CPT1C: variants seen among roughly 807,000 people sequenced by gnomAD.
The protein encoded by CPT1C is palmitoyl thioesterase CPT1C.
A neutral mutation model predicts 97.3 loss-of-function variants in CPT1C; 61 were observed. That is an observed-to-expected ratio of 0.63 (90% CI 0.51 to 0.78). The LOEUF (loss-of-function observed/expected upper bound fraction) is 0.78, where lower values mean the gene tolerates loss of function less well. Ranked by LOEUF, CPT1C falls within the 30% of genes least tolerant of loss-of-function variation. CPT1C has a pLI of 0.00. For missense variants in CPT1C, 975 were observed against 1,065.5 expected, an observed-to-expected ratio of 0.92 and a Z score of 1.18; for synonymous variants, 469 against 447.2, an observed-to-expected ratio of 1.05 and a Z score of -0.61.
chr19:49,706,030 T>C lies in CPT1C; in HGVS notation c.1086T>C (p.Phe362=). 1 of 1,613,832 alleles carries C rather than the reference T, an allele frequency of 6.2e-7. No individual in the cohort carries two copies. The highest frequency in any genetic ancestry group is 1.7e-4 in the Middle Eastern group (1 of 6,056). The part of the protein sequence containing the change: ...LLSPRALEQQ[F]QRILDDPSPA... ...CCCCGAGAGCCCTGGAGCAGCAGTT[T>C]CAGAGAATCCTGGATGATCCCTCAC... Residue 362 remains phenylalanine, a synonymous_variant, in exon 11 of 20, where the codon TTT becomes TTC. Coordinates refer to ENST00000598293, the MANE Select transcript of CPT1C (RefSeq NM_001199753.2). This position sits in a 1 kb window ranked among gnomAD's most constrained non-coding sequence, Gnocchi z 4.8.
At chr19:49,700,890 T>G (rs2082979854) in intron 5 of CPT1C, 35 bp downstream of exon 5, 2 of 1,588,758 alleles carry the variant, frequency 1.3e-6, no homozygotes, top group Non-Finnish European at 1.7e-6. Flanking sequence ...CAGGCTCTCC[T>G]GGGACCCGCT....
chr19:49,700,290 C>T lies in CPT1C; in HGVS notation c.282-394C>T, dbSNP rs1304675382. ...AAAAAAAAACGCTGATTGCTGGACC[C>T]CACCCTGAGAGATTCTGGCTTGTTA... On this transcript the variant is annotated intron_variant, in intron 4 of 19. Coordinates refer to ENST00000598293, the MANE Select transcript of CPT1C (RefSeq NM_001199753.2). Among the ~76,000 whole-genome samples, 4 of 151,970 alleles carry T rather than the reference C, an allele frequency of 2.6e-5. No homozygotes were observed. The South Asian group carries it at 8.3e-4, about 32-fold the overall frequency.
At chr19:49,696,911 C>T (rs1020022898) in intron 3 of CPT1C, among the ~76,000 whole-genome samples, 5 of 151,440 alleles carry the variant, frequency 3.3e-5, no homozygotes, top group African/African-American at 1.2e-4. Context: ...GGATTACAGG[C>T]GTGAGCCACC....
chr19:49,702,076 T>TATAAATAA (rs1555779176), intron 7 of CPT1C, among the ~76,000 whole-genome samples: 1 of 88,304 alleles, frequency 1.1e-5, no homozygotes, highest in African/African-American at 7.3e-5. Flanking sequence ...ATTTATAAAT[T>TATAAATAA]ATAAATATAT....
At position 49,713,626 on chromosome 19, in the gene CPT1C, G is replaced by T; in HGVS notation, c.*21G>T. 1 of 1,594,604 alleles carries T rather than the reference G, an allele frequency of 6.3e-7. No homozygotes were observed. The highest frequency in any genetic ancestry group is 8.5e-7 in the Non-Finnish European group (1 of 1,170,528). Reference sequence around the variant, plus strand: ...TCTGACTCCTTCCAGCAGGCAGCTGGCCTCTCCAAGGAATAAGGGTGAAAT... The same window carrying T: ...TCTGACTCCTTCCAGCAGGCAGCTGTCCTCTCCAAGGAATAAGGGTGAAAT... On this transcript the variant is annotated 3_prime_UTR_variant, in exon 20 of 20. Coordinates refer to ENST00000598293, the MANE Select transcript of CPT1C (RefSeq NM_001199753.2).
intron 4 of CPT1C, among the ~76,000 whole-genome samples, chr19:49,699,520 C>T (rs1423703050): frequency 6.9e-6 from 1 of 144,446 alleles, no homozygotes; most frequent in Non-Finnish European, 1.5e-5. Flanking sequence ...TACCCCCAGT[C>T]TACAGAGGGA....
chr19:49,703,274 G>A (rs1224569601), intron 7 of CPT1C, among the ~76,000 whole-genome samples: 8 of 147,420 alleles, frequency 5.4e-5, no homozygotes, highest in South Asian at 2.2e-4. Context: ...CACTGGCACC[G>A]TCTCAGCTCA....
chr19:49,706,255 A>T lies in CPT1C; in HGVS notation c.1185A>T (p.Thr395=), dbSNP rs2083493122. 6.5e-7 allele frequency: 1 copy of T among 1,540,204 alleles called. No individual in the cohort carries two copies. Among genetic ancestry groups the T allele is most frequent in the Non-Finnish European group, 8.7e-7 (1 of 1,146,316 alleles). The change falls in exon 12 of 20, where the codon ACA becomes ACT. Residue 395 remains threonine, a synonymous_variant. Transcript: ENST00000598293. The surrounding 1 kb of genome is among the most constrained non-coding windows in gnomAD (Gnocchi z 4.8). ...GGGGCACGTGGGCCCAGGTGCGGAC[A>T]TCCCTGAAGACCCAGGCAGCGGAGG... ...APRGTWAQVR[T]SLKTQAAEAL...
intron 3 of CPT1C, among the ~76,000 whole-genome samples, chr19:49,696,897 G>A (rs1600035258): frequency 1.3e-5 from 2 of 152,098 alleles, no homozygotes; most frequent in South Asian, 4.1e-4. Flanking sequence ...CTCCCAAAGT[G>A]TTGGGATTAC....
At chr19:49,711,522 C>T (rs978287927) in intron 16 of CPT1C, 7 of 450,554 alleles carry the variant, frequency 1.6e-5, no homozygotes, top group Non-Finnish European at 2.8e-5. Context: ...ACCTCTTCTC[C>T]CTTGCCCTAC....
rs574848778 is a variant in CPT1C at position 49,699,385 on chromosome 19, C to T, written c.282-1299C>T. 8.0e-5 allele frequency among the ~76,000 whole-genome samples: 10 copies of T among 125,592 alleles called. No individual in the cohort carries two copies. The South Asian group carries it at 2.0e-3, about 26-fold the overall frequency. 82.4% of individuals were successfully genotyped at this position (125,592 alleles called of 152,430 possible). ...GCTCACACTTGTAATCCCAGCACTT[C>T]GGAGGGCTGAGGCAGGAGGCTTGAG... On this transcript the variant is annotated intron_variant, in intron 4 of 19. Transcript: ENST00000598293.
intron 10 of CPT1C, 97 bp downstream of exon 10, chr19:49,705,395 C>G: frequency 1.9e-6 from 2 of 1,039,808 alleles, no homozygotes; most frequent in Non-Finnish European, 2.8e-6. Flanking sequence ...GGAACCATTG[C>G]TTCCTTGCTG....
At position 49,707,558 on chromosome 19, in the gene CPT1C, G is replaced by A. The variant is rs577177807; in HGVS notation, c.1384G>A (p.Gly462Arg). The A allele has an allele frequency of 1.9e-5, 30 of 1,613,884 alleles. No individual in the cohort carries two copies. Among genetic ancestry groups the A allele is most frequent in the Admixed American group, 3.3e-5 (2 of 59,988 alleles). ...KSFTLIVFSN[G>R]KLGLSVEHSW... Reference sequence around the variant, plus strand: ...CTTCACCCTAATCGTCTTCTCTAACGGGAAGCTGGGCCTCAGCGTGGAGCA... The same window carrying A: ...CTTCACCCTAATCGTCTTCTCTAACAGGAAGCTGGGCCTCAGCGTGGAGCA... Residue 462 changes from glycine to arginine, a missense_variant, in exon 13 of 20, where the codon GGG (glycine) becomes AGG (arginine). Around this residue, in one of 3 missense-constraint regions of CPT1C, gnomAD observed 35 missense variants for 66.6 expected, o/e 0.53. Transcript: ENST00000598293.
At chr19:49,699,068 A>C (rs2082840139) in intron 4 of CPT1C, among the ~76,000 whole-genome samples, 1 of 152,080 alleles carries the variant, frequency 6.6e-6, no homozygotes. Flanking sequence ...ACGCCACTGC[A>C]CTCCAGCCTG....
At chr19:49,708,055 G>A (rs1265401790) in intron 13 of CPT1C, among the ~76,000 whole-genome samples, 5 of 150,762 alleles carry the variant, frequency 3.3e-5, no homozygotes, top group East Asian at 1.9e-4. Context: ...CTCAGGGAGA[G>A]GCAGAGGCTG....
chr19:49,705,383 T>A, intron 10 of CPT1C, 85 bp downstream of exon 10: 1 of 1,123,370 alleles, frequency 8.9e-7, no homozygotes, highest in Non-Finnish European at 1.3e-6. Flanking sequence ...CTGACTGAGC[T>A]GGGAACCATT....
intron 4 of CPT1C, among the ~76,000 whole-genome samples, chr19:49,699,071 C>T (rs563219642): frequency 1.3e-5 from 2 of 151,994 alleles, no homozygotes; most frequent in South Asian, 4.2e-4. Context: ...CCACTGCACT[C>T]CAGCCTGGGC....
At chr19:49,697,213 A>G in intron 3 of CPT1C, 113 bp from the exon 4 acceptor site, 2 of 1,357,040 alleles carry the variant, frequency 1.5e-6, no homozygotes, top group Non-Finnish European at 2.1e-6. Flanking sequence ...CTAGATCTTG[A>G]GCCTCCAGCT....
chr19:49,712,357 AAAG>A (rs1260135177), intron 17 of CPT1C: 5 of 299,870 alleles, frequency 1.7e-5, no homozygotes, highest in Non-Finnish European at 3.1e-5. Flanking sequence ...AAAAAAAAAA[AAAG>A]GAGGGTGATG....
Sources: gnomAD v4.1 joint callset for allele counts (sites outside exome capture counted in the v4.1 genomes callset) on GRCh38, gnomAD v4.1.1 for gene constraint, gnomAD v4.1.1 regional missense constraint, Gnocchi (gnomAD v3.1) non-coding constraint, MANE v1.5 for transcripts, NCBI Gene and HGNC (gene_info 2026-07-23, HGNC 2026-07-21) for gene names.